The following ADAT2 variants were observed in gnomAD, a reference collection of about 807,000 sequenced individuals.
The protein encoded by ADAT2 is tRNA-specific adenosine-34 deaminase catalytic subunit ADAT2.
In ADAT2, 26 loss-of-function variants were observed where a neutral mutation model predicts 25.9. The ratio of observed to expected loss-of-function variants is 1.00; its 90% confidence interval spans 0.74 to 1.39. ADAT2 has a LOEUF of 1.39. Ranked by LOEUF, ADAT2 falls within the 40% of genes most tolerant of loss-of-function variation. ADAT2 has a pLI of 0.00. For missense variants in ADAT2, 220 were observed against 244.8 expected, an observed-to-expected ratio of 0.90 and a Z score of 0.68; for synonymous variants, 76 against 86.8, an observed-to-expected ratio of 0.88 and a Z score of 0.69.
At position 143,437,706 on chromosome 6, in the gene ADAT2, T is replaced by C. The variant is rs573152070; in HGVS notation, c.201+884A>G. ...TGCTAAATATCAGTTTTCTTTTCAATAGATGTGATTGATAGATGAACTAGT... is the reference window on the plus strand; with the variant it reads ...TGCTAAATATCAGTTTTCTTTTCAACAGATGTGATTGATAGATGAACTAGT... On this transcript the variant is annotated intron_variant, in intron 2 of 5. Transcript: ENST00000237283. The surrounding 1 kb of genome is among the most constrained non-coding windows in gnomAD (Gnocchi z 4.1). Among the ~76,000 whole-genome samples, 1 of 152,234 alleles carries C rather than the reference T, an allele frequency of 6.6e-6. No individual in the cohort carries two copies. The highest frequency in any genetic ancestry group is 1.5e-5 in the Non-Finnish European group (1 of 68,042).
rs539411410 is a variant in ADAT2, at chr6:143,437,678, T to C, written c.201+912A>G. On this transcript the variant is annotated intron_variant, in intron 2 of 5. Transcript: ENST00000237283. This position sits in a 1 kb window ranked among gnomAD's most constrained non-coding sequence, Gnocchi z 4.1. The stretch of plus-strand genomic sequence containing the variant: ...AATCTGGATTCCTATTTTACATGTG[T>C]TTTGCTAAATATCAGTTTTCTTTTC... Among the ~76,000 whole-genome samples, 1 of 152,318 alleles carries C rather than the reference T, an allele frequency of 6.6e-6. No individual in the cohort carries two copies. The highest frequency in any genetic ancestry group is 2.1e-4 in the South Asian group (1 of 4,830).
chr6:143,438,586 A>C lies in ADAT2; in HGVS notation c.201+4T>G. 6.2e-7 allele frequency: 1 copy of C among 1,605,470 alleles called. No homozygotes were observed. Among genetic ancestry groups the C allele is most frequent in the South Asian group, 1.1e-5 (1 of 90,900 alleles). On this transcript the variant is annotated splice_donor_region_variant and intron_variant, in intron 2 of 5. Coordinates refer to ENST00000237283, the MANE Select transcript of ADAT2 (RefSeq NM_182503.3). ...TTTGCAATTATACTGCTCAACTCAC[A>C]TACATTTTTGGTTTGGTTAACTTCA...
At position 143,450,612 on chromosome 6, in the gene ADAT2, G is replaced by A. The variant is rs372845883; in HGVS notation, c.47C>T (p.Ser16Leu). The change falls in exon 1 of 6, where the codon TCG (serine) becomes TTG (leucine). Residue 16 changes from serine to leucine, a missense_variant. Transcript: ENST00000237283. Reference sequence around the variant, plus strand: ...CTTTTCGGTCTCCTCTGCCGACACCGAGCACGCGCCGCTTGCAGCTGGCTT... The same window carrying A: ...CTTTTCGGTCTCCTCTGCCGACACCAAGCACGCGCCGCTTGCAGCTGGCTT... ...APKPAASGACSVSAEETEKWM... is the reference protein window; with the variant it reads ...APKPAASGACLVSAEETEKWM... 5.5e-5 allele frequency: 88 copies of A among 1,613,898 alleles called. No homozygotes were observed. Among genetic ancestry groups the A allele is most frequent in the Admixed American group, 8.3e-5 (5 of 60,000 alleles).
chr6:143,438,846 G>A (rs1000165893), intron 1 of ADAT2, 152 bp from the exon 2 acceptor site: 5 of 647,712 alleles, frequency 7.7e-6, no homozygotes, highest in East Asian at 2.9e-5. Flanking sequence ...GTTCCATTAC[G>A]GTATTTAGTG....
chr6:143,448,679 A>G (rs1166686991), intron 1 of ADAT2, among the ~76,000 whole-genome samples: 1 of 142,532 alleles, frequency 7.0e-6, no homozygotes, highest in Non-Finnish European at 1.6e-5. Flanking sequence ...GTATTCATTT[A>G]TTTGCTGGCT....
At chr6:143,439,628 G>C (rs963128981) in intron 1 of ADAT2, among the ~76,000 whole-genome samples, 34 of 152,156 alleles carry the variant, frequency 2.2e-4, no homozygotes, top group Admixed American at 2.2e-3. Flanking sequence ...TACCAGAATA[G>C]ATAAAACTAA....
chr6:143,436,293 T>A lies in ADAT2; in HGVS notation c.201+2297A>T. Reference sequence around the variant, plus strand: ...TGATGGCTGCCTATGACCCCCAGTATGGCCTCTATCTAACAGAGGCTGCCA... The same window carrying A: ...TGATGGCTGCCTATGACCCCCAGTAAGGCCTCTATCTAACAGAGGCTGCCA... On this transcript the variant is annotated intron_variant, in intron 2 of 5. Transcript: ENST00000237283. This position sits in a 1 kb window ranked among gnomAD's most constrained non-coding sequence, Gnocchi z 4.1. 4.5e-6 allele frequency: 1 copy of A among 224,272 alleles called. No homozygotes were observed. Among genetic ancestry groups the A allele is most frequent in the Admixed American group, 4.1e-5 (1 of 24,592 alleles). 13.9% of individuals were successfully genotyped at this position (224,272 alleles called of 1,614,324 possible). A position where few individuals can be genotyped will look rare whatever the true frequency, so the allele number is the denominator to read the frequency against.
rs1779202027 is a variant in ADAT2, at chr6:143,434,280, A to G, written c.202-299T>C. On this transcript the variant is annotated intron_variant, in intron 2 of 5. Transcript: ENST00000237283. The surrounding 1 kb of genome is among the most constrained non-coding windows in gnomAD (Gnocchi z 4.5). Reference sequence around the variant, plus strand: ...AAATGCCATGGAGAAGGTAAGTCTAAAAAACAAAGAAAAAAAGATAAAGTC... The same window carrying G: ...AAATGCCATGGAGAAGGTAAGTCTAGAAAACAAAGAAAAAAAGATAAAGTC... Among the ~76,000 whole-genome samples the G allele has an allele frequency of 6.6e-6, 1 of 152,212 alleles. No individual in the cohort carries two copies. Among genetic ancestry groups the G allele is most frequent in the South Asian group, 2.1e-4 (1 of 4,834 alleles).
intron 1 of ADAT2, among the ~76,000 whole-genome samples, chr6:143,439,676 G>A (rs1217363507): frequency 1.3e-5 from 2 of 152,156 alleles, no homozygotes; most frequent in African/African-American, 4.8e-5. Flanking sequence ...GTTGCTTCAT[G>A]GAGGAGGATG....
In ADAT2 at chr6:143,432,081, T is replaced by C. The variant is rs1399451877; in HGVS notation, c.459+424A>G. Among the ~76,000 whole-genome samples, 1 of 152,206 alleles carries C rather than the reference T, an allele frequency of 6.6e-6. No homozygotes were observed. Among genetic ancestry groups the C allele is most frequent in the East Asian group, 1.9e-4 (1 of 5,198 alleles). On this transcript the variant is annotated intron_variant, in intron 4 of 5. Coordinates refer to ENST00000237283, the MANE Select transcript of ADAT2 (RefSeq NM_182503.3). The surrounding 1 kb of genome is among the most constrained non-coding windows in gnomAD (Gnocchi z 4.4). ...AGGATGTGGCAATCAAGCAAAATGATTAAATTTGTACAAAAATATTGTGTG... is the reference window on the plus strand; with the variant it reads ...AGGATGTGGCAATCAAGCAAAATGACTAAATTTGTACAAAAATATTGTGTG...
rs1015411820 is a variant in ADAT2, at chr6:143,440,976, A to G, written c.97-2282T>C. Among the ~76,000 whole-genome samples, 1 of 152,210 alleles carries G rather than the reference A, an allele frequency of 6.6e-6. No homozygotes were observed. The highest frequency in any genetic ancestry group is 2.1e-4 in the South Asian group (1 of 4,820). ...CAAGAGGCGAAGTGATAACGGAAGG[A>G]GAGAGAGAGAGATTTGAAAATGCTG... is the stretch of plus-strand genomic sequence containing the variant. On this transcript the variant is annotated intron_variant, in intron 1 of 5. Transcript: ENST00000237283. The surrounding 1 kb of genome is among the most constrained non-coding windows in gnomAD (Gnocchi z 4.5).
intron 4 of ADAT2, among the ~76,000 whole-genome samples, chr6:143,429,785 G>T (rs922351891): frequency 2.0e-5 from 3 of 152,148 alleles, no homozygotes; most frequent in African/African-American, 4.8e-5. Context: ...AGGACAGGAG[G>T]ACCAGCTACT....
In ADAT2 at chr6:143,424,222, G is replaced by A. The variant is rs1778866337; in HGVS notation, c.*4241C>T. 1 of 152,222 alleles carries A rather than the reference G, an allele frequency of 6.6e-6. No homozygotes were observed. Among genetic ancestry groups the A allele is most frequent in the Non-Finnish European group, 1.5e-5 (1 of 68,040 alleles). 9.4% of individuals were successfully genotyped at this position (152,222 alleles called of 1,614,324 possible). A position where few individuals can be genotyped will look rare whatever the true frequency, so the allele number is the denominator to read the frequency against. On this transcript the variant is annotated 3_prime_UTR_variant, in exon 6 of 6. Coordinates refer to ENST00000237283, the MANE Select transcript of ADAT2 (RefSeq NM_182503.3). The surrounding 1 kb of genome is among the most constrained non-coding windows in gnomAD (Gnocchi z 4.8). The stretch of plus-strand genomic sequence containing the variant: ...ATAGTTGGCAGTTGTCTTCATAGAT[G>A]AAGTCAATGTAGTCTTATTCCTTTG...
intron 1 of ADAT2, among the ~76,000 whole-genome samples, chr6:143,450,267 C>T (rs1779724685): frequency 6.6e-6 from 1 of 152,028 alleles, no homozygotes. Context: ...GAGTGTGTGA[C>T]CACAGAAAGG....
chr6:143,428,404 C>G lies in ADAT2; in HGVS notation c.*59G>C, dbSNP rs1583968202. 1.0e-5 allele frequency: 16 copies of G among 1,544,518 alleles called. No homozygotes were observed. In the East Asian group the frequency reaches 3.6e-4, roughly 35 times the overall value. On this transcript the variant is annotated 3_prime_UTR_variant, in exon 6 of 6. Transcript: ENST00000237283. This position sits in a 1 kb window ranked among gnomAD's most constrained non-coding sequence, Gnocchi z 5.0. Reference sequence around the variant, plus strand: ...ATGATTCAACGATGTCAACAGCTTTCAGTCTATGAATCTTGTCCAGGTCAC... The same window carrying G: ...ATGATTCAACGATGTCAACAGCTTTGAGTCTATGAATCTTGTCCAGGTCAC...
chr6:143,441,862 A>G (rs1779467073), intron 1 of ADAT2: 1 of 152,204 alleles, frequency 6.6e-6, no homozygotes, highest in Non-Finnish European at 1.5e-5. Flanking sequence ...ATCACTACAC[A>G]CCCATCAGCA....
Position 143,422,970 on chromosome 6 carries a change from TTTCCTTTACA to T in ADAT2, c.*5483_*5492del, listed in dbSNP as rs1778827250. 6.6e-6 allele frequency: 1 copy of T among 152,206 alleles called. No individual in the cohort carries two copies. The highest frequency in any genetic ancestry group is 6.5e-5 in the Admixed American group (1 of 15,276). The allele number at this position is 152,206 out of a possible 1,614,324, so 9.4% of individuals were successfully genotyped here. On this transcript the variant is annotated 3_prime_UTR_variant, in exon 6 of 6. Coordinates refer to ENST00000237283, the MANE Select transcript of ADAT2 (RefSeq NM_182503.3). This position sits in a 1 kb window ranked among gnomAD's most constrained non-coding sequence, Gnocchi z 4.3. ...AAAACATATTTTGGTATCTTAGATT[TTTCCTTTACA>T]TTTATAGACCAACTTTTCAAAAGGA...
In ADAT2 at chr6:143,438,732, C is replaced by T. The variant is rs527330880; in HGVS notation, c.97-38G>A. Reference sequence around the variant, plus strand: ...GTGGAAAATGTAAGACGTAATACTCCATACTTGAAGAGAGTATAGGAGAGA... The same window carrying T: ...GTGGAAAATGTAAGACGTAATACTCTATACTTGAAGAGAGTATAGGAGAGA... On this transcript the variant is annotated intron_variant, in intron 1 of 5. Transcript: ENST00000237283. 133 of 1,496,958 alleles carry T rather than the reference C, an allele frequency of 8.9e-5. 2 individuals carry two copies. The South Asian group carries it at 1.5e-3, about 17-fold the overall frequency. The allele number at this position is 1,496,958 out of a possible 1,614,324, so 92.7% of individuals were successfully genotyped here.
intron 1 of ADAT2, among the ~76,000 whole-genome samples, chr6:143,443,451 G>T (rs1779517241): frequency 6.6e-6 from 1 of 152,098 alleles, no homozygotes; most frequent in African/African-American, 2.4e-5. Flanking sequence ...AAAAAAAATG[G>T]CAAGAGGAGT....
Sources: gnomAD v4.1 joint callset for allele counts (sites outside exome capture counted in the v4.1 genomes callset) on GRCh38, gnomAD v4.1.1 for gene constraint, Gnocchi (gnomAD v3.1) non-coding constraint, MANE v1.5 for transcripts, NCBI Gene and HGNC (gene_info 2026-07-23, HGNC 2026-07-21) for gene names.